The following BCR variants were observed in gnomAD, a reference collection of about 807,000 sequenced individuals.
The protein encoded by BCR is breakpoint cluster region protein.
A neutral mutation model predicts 138.6 loss-of-function variants in BCR; 58 were observed. That is an observed-to-expected ratio of 0.42 (90% CI 0.34 to 0.52). BCR has a LOEUF of 0.52. Ranked by LOEUF, BCR falls within the 20% of genes least tolerant of loss-of-function variation. BCR has a pLI of 0.06. For synonymous variants in BCR, 786 were observed against 730.1 expected (o/e 1.08, Z -1.23); for missense variants, 1,599 against 1,727.2 (o/e 0.93, Z 1.32).
At chr22:23,206,389 A>G (rs967925989) in intron 1 of BCR, among the ~76,000 whole-genome samples, 20 of 152,142 alleles carry the variant, frequency 1.3e-4, no homozygotes, top group African/African-American at 4.6e-4. Flanking sequence ...CCTGGCTTAC[A>G]CGGTGAAACC....
At chr22:23,305,794 G>T (rs1363608590) in intron 16 of BCR, among the ~76,000 whole-genome samples, 1 of 152,198 alleles carries the variant, frequency 6.6e-6, no homozygotes, top group Non-Finnish European at 1.5e-5. Context: ...ACCCCTGCCT[G>T]CCCAGTCCCC....
At chr22:23,234,879 G>A (rs892724783) in intron 1 of BCR, among the ~76,000 whole-genome samples, 1 of 143,766 alleles carries the variant, frequency 7.0e-6, no homozygotes, top group African/African-American at 2.5e-5. Context: ...AGGGCCACCC[G>A]GAGCCTACAG....
chr22:23,232,768 G>T (rs1051064137), intron 1 of BCR, among the ~76,000 whole-genome samples: 1 of 152,222 alleles, frequency 6.6e-6, no homozygotes, highest in Non-Finnish European at 1.5e-5. Flanking sequence ...GAATGCTGCC[G>T]TGTCGCATTC....
intron 2 of BCR, among the ~76,000 whole-genome samples, chr22:23,260,536 T>C (rs187595562): frequency 8.6e-4 from 131 of 152,136 alleles, no homozygotes; most frequent in Non-Finnish European, 1.4e-3. Flanking sequence ...GGAGTGGAGT[T>C]TGGCTGCAGC....
At position 23,181,870 on chromosome 22, in the gene BCR, G is replaced by A; in HGVS notation, c.910G>A (p.Glu304Lys). 3.1e-6 allele frequency: 5 copies of A among 1,613,200 alleles called. No individual in the cohort carries two copies. Among genetic ancestry groups the A allele is most frequent in the Non-Finnish European group, 4.2e-6 (5 of 1,179,942 alleles). The stretch of plus-strand genomic sequence containing the variant: ...GCTCCTGCGCAGCCAGAGCACCTCT[G>A]AGCAGGAGAAGCGCCTTACCTGGCC... ...GPLLRSQSTS[E>K]QEKRLTWPRR... Residue 304 changes from glutamate to lysine, a missense_variant, in exon 1 of 23, where the codon GAG (glutamate) becomes AAG (lysine). Physicochemically the swap from Glu to Lys is moderately conservative, Grantham distance 56. This residue lies in a region of BCR where 806 missense variants were observed against 635.0 expected (regional missense o/e 1.27). Transcript: ENST00000305877.
intron 4 of BCR, 130 bp downstream of exon 4, chr22:23,261,670 G>A (rs899989109): frequency 1.1e-6 from 1 of 945,776 alleles, no homozygotes; most frequent in Non-Finnish European, 1.5e-6. Flanking sequence ...AACCTCAAGT[G>A]ATCCACCTGC....
At chr22:23,201,992 G>A (rs907471355) in intron 1 of BCR, among the ~76,000 whole-genome samples, 1 of 152,208 alleles carries the variant, frequency 6.6e-6, no homozygotes, top group African/African-American at 2.4e-5. Context: ...TTAAGATGTT[G>A]CTGTGTAGTT....
intron 8 of BCR, among the ~76,000 whole-genome samples, chr22:23,282,398 G>A (rs1307057627): frequency 6.6e-6 from 1 of 152,204 alleles, no homozygotes; most frequent in East Asian, 1.9e-4. Context: ...TTCCACTTAT[G>A]GGCACCAGCA....
At chr22:23,313,353 C>T (rs1012530756) in intron 20 of BCR, among the ~76,000 whole-genome samples, 2 of 152,240 alleles carry the variant, frequency 1.3e-5, no homozygotes, top group Admixed American at 6.5e-5. Flanking sequence ...GCCATGGGTC[C>T]TGGTCCAGCC....
intron 1 of BCR, among the ~76,000 whole-genome samples, chr22:23,252,432 C>CTTTTTTTT (rs71200842): frequency 6.8e-5 from 8 of 117,924 alleles, no homozygotes; most frequent in African/African-American, 2.1e-4. Flanking sequence ...CTTTTCTTTT[C>CTTTTTTTT]TTTTTTTTTT....
chr22:23,213,441 G>T (rs2072710662), intron 1 of BCR, among the ~76,000 whole-genome samples: 1 of 152,252 alleles, frequency 6.6e-6, no homozygotes, highest in South Asian at 2.1e-4. Context: ...GGGACGCTGA[G>T]CCAGGTCCCA....
At chr22:23,278,259 G>A (rs1299264304) in intron 8 of BCR, among the ~76,000 whole-genome samples, 1 of 152,176 alleles carries the variant, frequency 6.6e-6, no homozygotes, top group Non-Finnish European at 1.5e-5. Flanking sequence ...TCCAATACCC[G>A]TTCTCTGCCT....
At chr22:23,230,577 T>G (rs976194125) in intron 1 of BCR, among the ~76,000 whole-genome samples, 3 of 152,236 alleles carry the variant, frequency 2.0e-5, no homozygotes, top group Non-Finnish European at 2.9e-5. Flanking sequence ...CTCCTGCTGG[T>G]TTATTCAGCA....
chr22:23,195,440 A>C (rs1466794646), intron 1 of BCR, among the ~76,000 whole-genome samples: 1 of 149,032 alleles, frequency 6.7e-6, no homozygotes, highest in Non-Finnish European at 1.5e-5. Flanking sequence ...AAAAAAAAAA[A>C]TATCAGCTGG....
chr22:23,233,814 A>AAAAG (rs2072989435), intron 1 of BCR, among the ~76,000 whole-genome samples: 1 of 28,510 alleles, frequency 3.5e-5, no homozygotes, highest in Admixed American at 3.4e-4. Context: ...GAAAAAAAAG[A>AAAAG]AAAAAAAAAA....
Position 23,282,400 on chromosome 22 carries a change from G to T in BCR, c.2116-1577G>T, listed in dbSNP as rs2073657651. The stretch of plus-strand genomic sequence containing the variant: ...AGCCTTCCTACCCTTCCACTTATGG[G>T]CACCAGCAGCCCCTGCGTAATTCAT... On this transcript the variant is annotated intron_variant, in intron 8 of 22. Transcript: ENST00000305877. Among the ~76,000 whole-genome samples the T allele has an allele frequency of 6.6e-5, 10 of 152,332 alleles. No individual in the cohort carries two copies. In the South Asian group the frequency reaches 2.1e-3, roughly 32 times the overall value.
intron 8 of BCR, among the ~76,000 whole-genome samples, chr22:23,282,276 GT>G (rs1054372917): frequency 2.0e-5 from 3 of 152,242 alleles, no homozygotes; most frequent in African/African-American, 7.2e-5. Context: ...TGCACATGCT[GT>G]TTCTTGCTTC....
chr22:23,274,529 C>A (rs6003598), intron 8 of BCR, among the ~76,000 whole-genome samples: 55,969 of 152,018 alleles, frequency 0.37, 11,432 homozygotes, highest in African/African-American at 0.54. Flanking sequence ...GAGCTGACCC[C>A]CGGCCTCAGG....
intron 19 of BCR, chr22:23,312,391 C>T (rs549814320): frequency 8.3e-4 from 148 of 179,160 alleles, no homozygotes; most frequent in Non-Finnish European, 1.3e-3. Flanking sequence ...CCTAGAATGC[C>T]CAGCATCCCT....
Sources: allele counts gnomAD v4.1 joint callset (sites outside exome capture counted in the v4.1 genomes callset), GRCh38; gene constraint gnomAD v4.1.1; regional missense constraint gnomAD v4.1.1; transcripts MANE v1.5; gene names NCBI Gene and HGNC (gene_info 2026-07-23, HGNC 2026-07-21).